Variants in FHIT observed in about 807,000 individuals in gnomAD.
FHIT encodes the protein fragile histidine triad diadenosine triphosphatase.
FHIT carries 19 observed loss-of-function variants against 17.9 expected under a neutral mutation model. The observed-to-expected ratio is 1.06, with a 90% CI of 0.74 to 1.56. The LOEUF (loss-of-function observed/expected upper bound fraction) is 1.56, where lower values mean the gene tolerates loss of function less well. FHIT is among the 40% of genes most tolerant of loss of function. The pLI is 0.00. For synonymous variants in FHIT, 81 were observed against 69.7 expected, an observed-to-expected ratio of 1.16 and a Z score of -0.81; for missense variants, 248 against 189.2, an observed-to-expected ratio of 1.31 and a Z score of -1.82.
chr3:60,493,382 C>T (rs1006541335), intron 5 of FHIT, among the ~76,000 whole-genome samples: 1 of 152,186 alleles, frequency 6.6e-6, no homozygotes, highest in African/African-American at 2.4e-5. Context: ...CTTCCTGAAT[C>T]TGCCTAAATT....
intron 4 of FHIT, among the ~76,000 whole-genome samples, chr3:60,712,469 GAC>G (rs1400120848): frequency 1.8e-4 from 27 of 151,120 alleles, no homozygotes; most frequent in Non-Finnish European, 2.7e-4. Context: ...CCAATTAAAA[GAC>G]ACAGACTGGC....
intron 5 of FHIT, among the ~76,000 whole-genome samples, chr3:60,217,369 C>T (rs1025010537): frequency 3.3e-5 from 5 of 152,164 alleles, no homozygotes; most frequent in African/African-American, 1.2e-4. Flanking sequence ...GCCCATATCC[C>T]ATCAATCACC....
At chr3:59,891,793 A>G (rs1703866891) in intron 8 of FHIT, among the ~76,000 whole-genome samples, 1 of 152,222 alleles carries the variant, frequency 6.6e-6, no homozygotes, top group African/African-American at 2.4e-5. Flanking sequence ...ATCATTTTAC[A>G]TGACCATGAG....
chr3:59,765,848 T>C (rs1397365921), intron 8 of FHIT, among the ~76,000 whole-genome samples: 1 of 152,114 alleles, frequency 6.6e-6, no homozygotes. Flanking sequence ...AGGGAGTAGA[T>C]GAATAAACCC....
intron 4 of FHIT, among the ~76,000 whole-genome samples, chr3:60,729,355 C>T (rs560993704): frequency 3.9e-5 from 6 of 152,206 alleles, no homozygotes; most frequent in Admixed American, 1.3e-4. Context: ...TAGAAAGTTA[C>T]GCAAAAAATA....
At chr3:60,061,506 C>G (rs1702294257) in intron 5 of FHIT, among the ~76,000 whole-genome samples, 1 of 152,198 alleles carries the variant, frequency 6.6e-6, no homozygotes, top group African/African-American at 2.4e-5. Flanking sequence ...AAAATGCAAA[C>G]TGAGAGCATT....
intron 2 of FHIT, among the ~76,000 whole-genome samples, chr3:61,131,472 G>A (rs145717441): frequency 2.0e-5 from 3 of 152,220 alleles, no homozygotes; most frequent in African/African-American, 4.8e-5. Flanking sequence ...TGTCTGGGCC[G>A]AAAGTCTCCC....
intron 2 of FHIT, among the ~76,000 whole-genome samples, chr3:61,078,391 G>C (rs2035033655): frequency 6.6e-6 from 1 of 152,064 alleles, no homozygotes; most frequent in African/African-American, 2.4e-5. Context: ...TTTCCACTGA[G>C]TCTCTGGAGT....
rs1461145443 is a variant in FHIT at position 61,196,353 on chromosome 3, CA to C, written c.-164+4263del. ...AAAATGTAAAAGGTAATTTGTAATGCATATAAGTACAATATGGTATTTCTTT... is the reference window on the plus strand; with the variant it reads ...AAAATGTAAAAGGTAATTTGTAATGCTATAAGTACAATATGGTATTTCTTT... On this transcript the variant is annotated intron_variant, in intron 2 of 9. Transcript: ENST00000492590. Among the ~76,000 whole-genome samples, 4 of 152,092 alleles carry C rather than the reference CA, an allele frequency of 2.6e-5. No homozygotes were observed. In the South Asian group the frequency reaches 8.3e-4, roughly 32 times the overall value.
At chr3:60,898,326 A>G (rs899006133) in intron 3 of FHIT, among the ~76,000 whole-genome samples, 22 of 152,228 alleles carry the variant, frequency 1.4e-4, no homozygotes, top group Non-Finnish European at 2.8e-4. Flanking sequence ...ATTTACTCAG[A>G]CACACACCTT....
chr3:59,986,101 GA>G (rs993336934), intron 7 of FHIT, among the ~76,000 whole-genome samples: 13 of 152,100 alleles, frequency 8.5e-5, no homozygotes, highest in African/African-American at 3.1e-4. Flanking sequence ...ACGGCAAAAA[GA>G]AAAAAGCACT....
At chr3:59,996,758 C>T (rs1025987764) in intron 7 of FHIT, among the ~76,000 whole-genome samples, 5 of 152,004 alleles carry the variant, frequency 3.3e-5, no homozygotes, top group South Asian at 2.1e-4. Context: ...CATTACTTAA[C>T]GAAGAAAAGT....
intron 5 of FHIT, among the ~76,000 whole-genome samples, chr3:60,084,107 T>C (rs1703401340): frequency 6.6e-6 from 1 of 152,152 alleles, no homozygotes; most frequent in South Asian, 2.1e-4. Flanking sequence ...ACATACATAA[T>C]GTTGTATAAG....
At chr3:60,658,617 A>G (rs2040170314) in intron 4 of FHIT, among the ~76,000 whole-genome samples, 1 of 152,130 alleles carries the variant, frequency 6.6e-6, no homozygotes. Context: ...TAACATCTTC[A>G]TGCAATATGC....
chr3:59,897,331 C>T (rs1282622142), intron 8 of FHIT, among the ~76,000 whole-genome samples: 1 of 152,226 alleles, frequency 6.6e-6, no homozygotes, highest in Non-Finnish European at 1.5e-5. Flanking sequence ...TCTGCAAACT[C>T]CTGCTCGTCC....
intron 2 of FHIT, among the ~76,000 whole-genome samples, chr3:61,171,564 C>T (rs1390501510): frequency 6.6e-6 from 1 of 152,146 alleles, no homozygotes; most frequent in Non-Finnish European, 1.5e-5. Context: ...AGAAACTAAA[C>T]ATAGACTATT....
chr3:60,552,106 T>G (rs1195327297), intron 4 of FHIT, among the ~76,000 whole-genome samples: 2 of 152,170 alleles, frequency 1.3e-5, no homozygotes, highest in Admixed American at 6.5e-5. Flanking sequence ...CTTTTATGTG[T>G]AGCTTATTTC....
chr3:59,945,669 G>A (rs1035622474), intron 7 of FHIT, among the ~76,000 whole-genome samples: 4 of 151,826 alleles, frequency 2.6e-5, no homozygotes, highest in Admixed American at 6.6e-5. Context: ...GTAGTTTTAG[G>A]TTTTACATTT....
chr3:60,319,675 A>AG (rs1456537629), intron 5 of FHIT, among the ~76,000 whole-genome samples: 1 of 152,196 alleles, frequency 6.6e-6, no homozygotes, highest in Non-Finnish European at 1.5e-5. Context: ...CAACTCAAAC[A>AG]GCAGCACAGC....
Sources: allele counts gnomAD v4.1 joint callset (sites outside exome capture counted in the v4.1 genomes callset), GRCh38; gene constraint gnomAD v4.1.1; transcripts MANE v1.5; gene names NCBI Gene and HGNC (gene_info 2026-07-23, HGNC 2026-07-21).